Variants in CSMD1 observed in about 807,000 individuals in gnomAD.
CSMD1 encodes CUB and Sushi multiple domains 1.
CSMD1 carries 213 observed loss-of-function variants against 417.5 expected under a neutral mutation model. The observed-to-expected ratio is 0.51, with a 90% CI of 0.46 to 0.57. The LOEUF is 0.57. Among genes scored for constraint, CSMD1 ranks in the 20% least tolerant of loss-of-function variants. The pLI is 0.00. For missense variants in CSMD1, 6,923 were observed against 4,529.7 expected (o/e 1.53, Z -15.17); for synonymous variants, 2,862 against 1,736.8 (o/e 1.65, Z -16.11).
intron 3 of CSMD1, among the ~76,000 whole-genome samples, chr8:4,056,128 C>A (rs1798678498): frequency 2.4e-5 from 3 of 124,994 alleles, no homozygotes; most frequent in African/African-American, 9.1e-5. Flanking sequence ...GTCACCCAAG[C>A]TGCAATACAG....
rs918308782 is a variant in CSMD1, at chr8:4,460,494, C to T, written c.303-40429G>A. On this transcript the variant is annotated intron_variant, in intron 2 of 69. Coordinates refer to ENST00000635120, the MANE Select transcript of CSMD1 (RefSeq NM_033225.6). ...ATTCTAGTGAGAATAATCAAGTATA[C>T]AATAGAAAAAAATGAACGTAAGCAA... is the stretch of plus-strand genomic sequence containing the variant. 1.3e-4 allele frequency among the ~76,000 whole-genome samples: 19 copies of T among 151,746 alleles called. No individual in the cohort carries two copies. In the East Asian group the frequency reaches 3.1e-3, roughly 25 times the overall value.
intron 3 of CSMD1, among the ~76,000 whole-genome samples, chr8:4,136,204 A>G (rs1456714086): frequency 1.3e-5 from 2 of 152,242 alleles, no homozygotes; most frequent in African/African-American, 4.8e-5. Context: ...ATGTGAACAC[A>G]AAAATTGATC....
At chr8:3,724,034 T>G (rs1802342569) in intron 6 of CSMD1, among the ~76,000 whole-genome samples, 1 of 53,842 alleles carries the variant, frequency 1.9e-5, no homozygotes, top group Non-Finnish European at 9.1e-5. Context: ...CTTTTTCAAC[T>G]TTCTATCTGT....
At chr8:3,763,797 G>T (rs900644027) in intron 5 of CSMD1, among the ~76,000 whole-genome samples, 20 of 152,068 alleles carry the variant, frequency 1.3e-4, no homozygotes, top group Admixed American at 5.2e-4. Flanking sequence ...ATTCTCAGAG[G>T]ACCCAGGTCC....
At chr8:4,114,041 G>C (rs1403173664) in intron 3 of CSMD1, among the ~76,000 whole-genome samples, 1 of 152,210 alleles carries the variant, frequency 6.6e-6, no homozygotes, top group Non-Finnish European at 1.5e-5. Flanking sequence ...CATTGATGAA[G>C]ACGGCTACAA....
chr8:4,477,578 G>T (rs1260588899), intron 2 of CSMD1, among the ~76,000 whole-genome samples: 1 of 152,104 alleles, frequency 6.6e-6, no homozygotes, highest in Non-Finnish European at 1.5e-5. Flanking sequence ...TTTAAAAATT[G>T]CGAGTTGAGA....
At chr8:3,232,466 A>G (rs562159499) in intron 26 of CSMD1, among the ~76,000 whole-genome samples, 1 of 152,276 alleles carries the variant, frequency 6.6e-6, no homozygotes, top group Non-Finnish European at 1.5e-5. Flanking sequence ...GCAGGAATGC[A>G]CCATGATTTT....
At chr8:2,992,018 G>C (rs1033499321) in intron 54 of CSMD1, among the ~76,000 whole-genome samples, 2 of 152,134 alleles carry the variant, frequency 1.3e-5, no homozygotes, top group African/African-American at 4.8e-5. Flanking sequence ...TTCCATATGA[G>C]AAACAACCAG....
chr8:4,072,049 G>T (rs1353253890), intron 3 of CSMD1, among the ~76,000 whole-genome samples: 1 of 152,194 alleles, frequency 6.6e-6, no homozygotes, highest in Non-Finnish European at 1.5e-5. Context: ...TGTTAGGATA[G>T]AGTTTTGGTT....
intron 12 of CSMD1, among the ~76,000 whole-genome samples, chr8:3,444,217 G>A (rs574712405): frequency 6.6e-6 from 1 of 152,094 alleles, no homozygotes; most frequent in Admixed American, 6.6e-5. Context: ...AGAATCACTG[G>A]GCTGGATGAC....
intron 7 of CSMD1, among the ~76,000 whole-genome samples, chr8:3,622,947 T>C (rs1253189395): frequency 1.3e-5 from 2 of 152,246 alleles, no homozygotes; most frequent in African/African-American, 4.8e-5. Context: ...ACTTTAACTC[T>C]AATTTTGTTG....
chr8:3,102,425 G>C (rs147535883), intron 46 of CSMD1, among the ~76,000 whole-genome samples: 6 of 152,320 alleles, frequency 3.9e-5, no homozygotes, highest in African/African-American at 1.4e-4. Flanking sequence ...CTGAGGTGTG[G>C]AGTGGGGCTT....
At chr8:3,218,191 A>C (rs1481896470) in intron 29 of CSMD1, among the ~76,000 whole-genome samples, 1 of 152,224 alleles carries the variant, frequency 6.6e-6, no homozygotes, top group Non-Finnish European at 1.5e-5. Context: ...GCAGCGTCAG[A>C]AACCTTGCTA....
intron 10 of CSMD1, among the ~76,000 whole-genome samples, chr8:3,547,679 C>CT (rs2116754077): frequency 6.6e-6 from 1 of 152,170 alleles, no homozygotes; most frequent in South Asian, 2.1e-4. Context: ...TACAACCTTT[C>CT]TTTGGAGTTA....
chr8:3,251,015 C>A (rs1800214597), intron 26 of CSMD1, among the ~76,000 whole-genome samples: 1 of 152,174 alleles, frequency 6.6e-6, no homozygotes, highest in African/African-American at 2.4e-5. Context: ...TTGTAGGTTG[C>A]CTGTTCACTC....
chr8:4,589,471 C>G (rs1052017199), intron 2 of CSMD1, among the ~76,000 whole-genome samples: 1 of 152,184 alleles, frequency 6.6e-6, no homozygotes, highest in African/African-American at 2.4e-5. Context: ...GTAAGACAAA[C>G]TCTCTGCTGA....
At chr8:3,237,600 A>G (rs1403988499) in intron 26 of CSMD1, among the ~76,000 whole-genome samples, 1 of 145,084 alleles carries the variant, frequency 6.9e-6, no homozygotes, top group Non-Finnish European at 1.5e-5. Flanking sequence ...TATAAATATA[A>G]TTTTATACTT....
At chr8:4,404,851 C>T (rs1250240095) in intron 3 of CSMD1, among the ~76,000 whole-genome samples, 3 of 152,188 alleles carry the variant, frequency 2.0e-5, no homozygotes, top group Non-Finnish European at 4.4e-5. Context: ...GGCCCTTACA[C>T]TCTACCAGCC....
chr8:4,958,876 G>C (rs1430050930), intron 1 of CSMD1, among the ~76,000 whole-genome samples: 1 of 152,094 alleles, frequency 6.6e-6, no homozygotes, highest in Admixed American at 6.6e-5. Context: ...GTAATTTATT[G>C]ACTTCTCATT....
Sources: allele counts gnomAD v4.1 joint callset (sites outside exome capture counted in the v4.1 genomes callset), GRCh38; gene constraint gnomAD v4.1.1; transcripts MANE v1.5; gene names NCBI Gene and HGNC (gene_info 2026-07-23, HGNC 2026-07-21).